The following DDHD1 variants were observed in gnomAD, a reference collection of about 807,000 sequenced individuals.
The protein encoded by DDHD1 is DDHD domain containing 1, also known as phospholipase DDHD1.
Under a neutral mutation model 96.4 loss-of-function variants are expected in DDHD1, and 49 were observed. The observed-to-expected ratio is 0.51, with a 90% CI of 0.40 to 0.64. The LOEUF is 0.64. Ranked by LOEUF, DDHD1 falls within the 30% of genes least tolerant of loss-of-function variation. The pLI, the probability that DDHD1 is intolerant of heterozygous loss-of-function variation, is 0.00. For missense variants in DDHD1, 1,106 were observed against 1,161.2 expected (o/e 0.95, Z 0.69); for synonymous variants, 442 against 446.5 (o/e 0.99, Z 0.13).
At chr14:53,095,068 G>A (rs1886768014) in intron 2 of DDHD1, among the ~76,000 whole-genome samples, 1 of 152,194 alleles carries the variant, frequency 6.6e-6, no homozygotes, top group South Asian at 2.1e-4. Flanking sequence ...GTTTGTGGAA[G>A]TAGTGAAGAA....
chr14:53,120,354 G>A (rs75153247), intron 1 of DDHD1, among the ~76,000 whole-genome samples: 111,423 of 152,180 alleles, frequency 0.73, 43,612 homozygotes, highest in East Asian at 0.96. Flanking sequence ...AATCAATATC[G>A]TGAAAATAAC....
At chr14:53,140,585 G>A (rs1005550195) in intron 1 of DDHD1, among the ~76,000 whole-genome samples, 1 of 151,748 alleles carries the variant, frequency 6.6e-6, no homozygotes, top group Middle Eastern at 3.2e-3. Flanking sequence ...AGACAAATAC[G>A]AAAAAGTATC....
chr14:53,047,806 A>T (rs1296596789), intron 12 of DDHD1, among the ~76,000 whole-genome samples: 1 of 152,210 alleles, frequency 6.6e-6, no homozygotes, highest in African/African-American at 2.4e-5. Context: ...TTAATAAATT[A>T]TTAGAGATAA....
At chr14:53,051,665 G>A (rs939914147) in intron 12 of DDHD1, among the ~76,000 whole-genome samples, 179 bp downstream of exon 12, 4 of 151,844 alleles carry the variant, frequency 2.6e-5, no homozygotes, top group Admixed American at 2.6e-4. Flanking sequence ...TCAGGTTTCA[G>A]AACCACTACC....
At chr14:53,093,657 G>T (rs923811236) in intron 2 of DDHD1, 9 of 499,292 alleles carry the variant, frequency 1.8e-5, no homozygotes, top group African/African-American at 1.6e-4. Flanking sequence ...CCTGCTACAG[G>T]GAATGGCAAC....
intron 1 of DDHD1, among the ~76,000 whole-genome samples, chr14:53,148,108 A>C (rs998477919): frequency 2.6e-5 from 4 of 152,244 alleles, no homozygotes; most frequent in African/African-American, 9.6e-5. Context: ...TTAAAATTAC[A>C]ATAATGCAAG....
At chr14:53,086,689 G>T (rs1257083307) in intron 4 of DDHD1, among the ~76,000 whole-genome samples, 1 of 152,148 alleles carries the variant, frequency 6.6e-6, no homozygotes, top group East Asian at 1.9e-4. Context: ...ACCAGCCACT[G>T]CAAAAACATG....
At chr14:53,060,567 T>TC (rs1292383229) in intron 8 of DDHD1, among the ~76,000 whole-genome samples, 1 of 152,220 alleles carries the variant, frequency 6.6e-6, no homozygotes, top group Non-Finnish European at 1.5e-5. Context: ...CTGGAATCAT[T>TC]ACTCATATAC....
rs964573120 is a variant in DDHD1 at position 53,039,272 on chromosome 14, C to T, written c.*7496G>A. Reference sequence around the variant, plus strand: ...GCCATGGATGGCTCCATCCTCATATCACCCCATGTGCCACTGGATTGTGTT... The same window carrying T: ...GCCATGGATGGCTCCATCCTCATATTACCCCATGTGCCACTGGATTGTGTT... On this transcript the variant is annotated 3_prime_UTR_variant, in exon 13 of 13. Transcript: ENST00000673822. 6.6e-6 allele frequency: 1 copy of T among 152,156 alleles called. No homozygotes were observed. Among genetic ancestry groups the T allele is most frequent in the African/African-American group, 2.4e-5 (1 of 41,426 alleles). The allele number at this position is 152,156 out of a possible 1,614,324, so 9.4% of individuals were successfully genotyped here. A position where few individuals can be genotyped will look rare whatever the true frequency, so the allele number is the denominator to read the frequency against.
chr14:53,061,015 AT>A, intron 8 of DDHD1, 110 bp downstream of exon 8: 2 of 1,005,534 alleles, frequency 2.0e-6, no homozygotes, highest in Non-Finnish European at 2.9e-6. Context: ...TTGAATAAAT[AT>A]TTATTTTGAA....
intron 1 of DDHD1, among the ~76,000 whole-genome samples, chr14:53,109,922 G>A (rs978850893): frequency 3.9e-5 from 6 of 152,058 alleles, no homozygotes; most frequent in African/African-American, 1.4e-4. Context: ...CTCTCATTTA[G>A]TTCTCACCTC....
At chr14:53,062,035 CAAAAAA>C (rs779302322) in intron 7 of DDHD1, among the ~76,000 whole-genome samples, 4 of 76,820 alleles carry the variant, frequency 5.2e-5, no homozygotes, top group Admixed American at 1.6e-4. Context: ...ACTCCGTCTC[CAAAAAA>C]AAAAAAAAAA....
chr14:53,074,613 T>A lies in DDHD1; in HGVS notation c.1290-766A>T, dbSNP rs984942642. On this transcript the variant is annotated intron_variant, in intron 4 of 12. Transcript: ENST00000673822. ...TATAAAATATTATTTTAAATTATTTTATAATATTAAAAATTTTTTTACACT... is the reference window on the plus strand; with the variant it reads ...TATAAAATATTATTTTAAATTATTTAATAATATTAAAAATTTTTTTACACT... Among the ~76,000 whole-genome samples the A allele has an allele frequency of 7.9e-5, 12 of 152,032 alleles. 1 individual carries two copies. In the East Asian group the frequency reaches 2.3e-3, roughly 29 times the overall value.
intron 1 of DDHD1, among the ~76,000 whole-genome samples, chr14:53,149,307 T>C (rs1891194476): frequency 6.6e-6 from 1 of 152,238 alleles, no homozygotes; most frequent in African/African-American, 2.4e-5. Context: ...AATGGATTCA[T>C]ACCACCATTC....
At chr14:53,128,818 G>T (rs1889652229) in intron 1 of DDHD1, among the ~76,000 whole-genome samples, 5 of 152,154 alleles carry the variant, frequency 3.3e-5, no homozygotes, top group Non-Finnish European at 7.3e-5. Context: ...ATGGCTTGAA[G>T]CAACTGAAGA....
chr14:53,094,452 G>A (rs754531493), intron 2 of DDHD1, among the ~76,000 whole-genome samples: 45 of 152,216 alleles, frequency 3.0e-4, no homozygotes, highest in Non-Finnish European at 5.6e-4. Flanking sequence ...CTGTAATCCA[G>A]CACTCTGGGA....
rs1882526331 is a variant in DDHD1, at chr14:53,103,114, G to A, written c.1012+569C>T. 1.3e-6 allele frequency: 2 copies of A among 1,491,220 alleles called. 1 individual carries two copies. Among genetic ancestry groups the A allele is most frequent in the South Asian group, 2.4e-5 (2 of 82,032 alleles). The allele number at this position is 1,491,220 out of a possible 1,614,324, so 92.4% of individuals were successfully genotyped here. A position where few individuals can be genotyped will look rare whatever the true frequency, so the allele number is the denominator to read the frequency against. ...ACCACATATTTTGAAGTTTACTCAA[G>A]ATTTAGACACACAATGAAAATGTGG... is the stretch of plus-strand genomic sequence containing the variant. On this transcript the variant is annotated intron_variant, in intron 2 of 12. Coordinates refer to ENST00000673822, the MANE Select transcript of DDHD1 (RefSeq NM_001160148.2).
rs371586111 is a variant in DDHD1, at chr14:53,046,962, G to C, written c.2522-13C>G. 2 of 1,589,882 alleles carry C rather than the reference G, an allele frequency of 1.3e-6. No individual in the cohort carries two copies. The highest frequency in any genetic ancestry group is 2.3e-5 in the East Asian group (1 of 43,930). On this transcript the variant is annotated splice_polypyrimidine_tract_variant and intron_variant, in intron 12 of 12. Transcript: ENST00000673822. ...TGATCCAACTCCACTAAAAAGAAAA[G>C]AAGTTAAACAAATGAATACAGATTA...
At chr14:53,057,974 C>A (rs962958439) in intron 9 of DDHD1, among the ~76,000 whole-genome samples, 11 of 152,082 alleles carry the variant, frequency 7.2e-5, no homozygotes, top group Admixed American at 2.6e-4. Context: ...CTCAGCCTCC[C>A]GAGTAGCTGG....
Sources: gnomAD v4.1 joint callset for allele counts (sites outside exome capture counted in the v4.1 genomes callset) on GRCh38, gnomAD v4.1.1 for gene constraint, MANE v1.5 for transcripts, NCBI Gene and HGNC (gene_info 2026-07-23, HGNC 2026-07-21) for gene names.